The following RAB27B variants were observed in gnomAD, a reference collection of about 807,000 sequenced individuals.
RAB27B encodes RAB27B, member RAS oncogene family, also known as ras-related protein Rab-27B.
In RAB27B, 15 loss-of-function variants were observed where a neutral mutation model predicts 24.6. The ratio of observed to expected loss-of-function variants is 0.61; its 90% CI spans 0.41 to 0.94. The LOEUF is 0.94. RAB27B is among the 40% of genes least tolerant of loss of function. The pLI is 0.00. For synonymous variants in RAB27B, 105 were observed against 92.5 expected (o/e 1.14, Z -0.78); for missense variants, 261 against 266.8 (o/e 0.98, Z 0.15).
chr18:54,820,705 G>A (rs1360152643), intron 2 of RAB27B, among the ~76,000 whole-genome samples: 2 of 152,108 alleles, frequency 1.3e-5, no homozygotes, highest in Non-Finnish European at 2.9e-5. Context: ...CCTATGTCCT[G>A]AATGGTATTG....
chr18:54,837,046 G>C (rs1353484182), intron 1 of RAB27B, among the ~76,000 whole-genome samples: 1 of 151,978 alleles, frequency 6.6e-6, no homozygotes, highest in Non-Finnish European at 1.5e-5. Context: ...GTCATATTAG[G>C]TACTTTAGTT....
intron 4 of RAB27B, among the ~76,000 whole-genome samples, chr18:54,886,332 T>A (rs537835998): frequency 7.5e-4 from 114 of 152,276 alleles, no homozygotes; most frequent in African/African-American, 2.7e-3. Context: ...GACTTTTCCA[T>A]TTTATTTCAA....
intron 2 of RAB27B, among the ~76,000 whole-genome samples, chr18:54,722,507 C>T (rs191698069): frequency 1.5e-3 from 226 of 152,268 alleles, no homozygotes; most frequent in Middle Eastern, 6.8e-3. Flanking sequence ...CCATCACATC[C>T]CACTTCTTGA....
In RAB27B at chr18:54,812,550, A is replaced by AACACACACACACAC. The variant is rs10595171; in HGVS notation, c.-19-64986_-19-64973dup. On this transcript the variant is annotated intron_variant, in intron 2 of 4. Transcript: ENST00000586570. ...AGAAGTCTGACCATGGAACTCCTTT[A>AACACACACACACAC]ACACACACACACACACACACACACA... Among the ~76,000 whole-genome samples the AACACACACACACAC allele has an allele frequency of 1.7e-3, 243 of 139,198 alleles. 4 individuals carry two copies. The highest frequency in any genetic ancestry group is 4.0e-3 in the Admixed American group (55 of 13,840). 91.3% of individuals were successfully genotyped at this position (139,198 alleles called of 152,430 possible). A position where few individuals can be genotyped will look rare whatever the true frequency, so the allele number is the denominator to read the frequency against.
intron 2 of RAB27B, among the ~76,000 whole-genome samples, chr18:54,820,031 T>C (rs1490109462): frequency 6.6e-6 from 1 of 152,198 alleles, no homozygotes; most frequent in Admixed American, 6.5e-5. Context: ...GTTGGACATA[T>C]GGCTTGGTTC....
intron 1 of RAB27B, among the ~76,000 whole-genome samples, chr18:54,845,477 A>G (rs569461581): frequency 6.6e-6 from 1 of 152,236 alleles, no homozygotes; most frequent in Non-Finnish European, 1.5e-5. Context: ...TAGCTAAGCA[A>G]TAATGAATAT....
chr18:54,771,896 T>A (rs1309539711), intron 2 of RAB27B, among the ~76,000 whole-genome samples: 5 of 152,184 alleles, frequency 3.3e-5, no homozygotes, highest in East Asian at 1.9e-4. Context: ...TTATTTATGA[T>A]GTTGGCAAAG....
chr18:54,833,185 A>G (rs1910755313), intron 1 of RAB27B, among the ~76,000 whole-genome samples: 2 of 152,016 alleles, frequency 1.3e-5, no homozygotes, highest in Non-Finnish European at 2.9e-5. Flanking sequence ...AAAGCAGTGA[A>G]TAAAGAAGGG....
At chr18:54,867,388 A>C (rs993190639) in intron 1 of RAB27B, among the ~76,000 whole-genome samples, 3 of 150,504 alleles carry the variant, frequency 2.0e-5, no homozygotes, top group South Asian at 4.2e-4. Context: ...ATGCAATCGT[A>C]GGAGCTGGCT....
At chr18:54,757,066 G>T (rs118141191) in intron 2 of RAB27B, among the ~76,000 whole-genome samples, 1 of 152,306 alleles carries the variant, frequency 6.6e-6, no homozygotes, top group African/African-American at 2.4e-5. Context: ...TAGGCTCAAG[G>T]TTGCTGGTCA....
At chr18:54,745,495 G>T in intron 2 of RAB27B, 1 of 154,908 alleles carries the variant, frequency 6.5e-6, no homozygotes, top group South Asian at 1.8e-4. Context: ...CCCTACTCAA[G>T]ACTGGAGCTC....
chr18:54,775,469 C>T (rs915715201), intron 2 of RAB27B, among the ~76,000 whole-genome samples: 1 of 152,130 alleles, frequency 6.6e-6, no homozygotes, highest in Non-Finnish European at 1.5e-5. Context: ...AGGCTACAAA[C>T]CGGTCATTTC....
chr18:54,877,718 G>C lies in RAB27B; in HGVS notation c.133G>C (p.Asp45His), dbSNP rs1445586376. Residue 45 changes from aspartate (D) to histidine (H), a missense_variant, in exon 2 of 6, where the codon GAC becomes CAC. Coordinates refer to ENST00000262094, the MANE Select transcript of RAB27B (RefSeq NM_004163.4). ...CAAATTCATCACTACAGTAGGAATA[G>C]ACTTTCGGGAAAAACGTGTGGTGAG... ...NPKFITTVGI[D>H]FREKRVVYNA... 6.3e-7 allele frequency: 1 copy of C among 1,584,018 alleles called. No homozygotes were observed. Among genetic ancestry groups the C allele is most frequent in the Middle Eastern group, 1.7e-4 (1 of 6,006 alleles).
At chr18:54,837,837 A>G (rs990727727) in intron 1 of RAB27B, among the ~76,000 whole-genome samples, 1 of 152,162 alleles carries the variant, frequency 6.6e-6, no homozygotes, top group East Asian at 1.9e-4. Flanking sequence ...CAATTGAAGG[A>G]CATAATAAAT....
intron 1 of RAB27B, among the ~76,000 whole-genome samples, chr18:54,869,267 T>C (rs921834166): frequency 1.6e-4 from 25 of 152,192 alleles, no homozygotes; most frequent in Non-Finnish European, 3.5e-4. Context: ...TTGTAATCAT[T>C]TGTAGCAGGG....
chr18:54,881,593 C>A (rs983189663), intron 3 of RAB27B, among the ~76,000 whole-genome samples: 14 of 152,102 alleles, frequency 9.2e-5, no homozygotes, highest in Non-Finnish European at 1.8e-4. Context: ...CCTGCAAACT[C>A]AATTTCTGTT....
intron 1 of RAB27B, among the ~76,000 whole-genome samples, chr18:54,855,191 T>C (rs991964249): frequency 2.6e-5 from 4 of 152,158 alleles, no homozygotes; most frequent in Non-Finnish European, 5.9e-5. Flanking sequence ...CCTGTGAGAA[T>C]CTAATGCTGC....
At chr18:54,812,305 A>G (rs1909988179) in intron 2 of RAB27B, among the ~76,000 whole-genome samples, 1 of 152,088 alleles carries the variant, frequency 6.6e-6, no homozygotes, top group Admixed American at 6.6e-5. Flanking sequence ...ACATGATTAT[A>G]TTTCCTCATC....
rs1189159524 is a variant in RAB27B at position 54,890,546 on chromosome 18, T to C, written c.*1133T>C. The C allele has an allele frequency of 6.6e-6, 1 of 152,202 alleles. No homozygotes were observed. Among genetic ancestry groups the C allele is most frequent in the Non-Finnish European group, 1.5e-5 (1 of 68,022 alleles). The allele number at this position is 152,202 out of a possible 1,614,324, so 9.4% of individuals were successfully genotyped here. A position where few individuals can be genotyped will look rare whatever the true frequency, so the allele number is the denominator to read the frequency against. On this transcript the variant is annotated 3_prime_UTR_variant, in exon 6 of 6. Coordinates refer to ENST00000262094, the MANE Select transcript of RAB27B (RefSeq NM_004163.4). Reference sequence around the variant, plus strand: ...TCCAAATTTCACCCATTCCTGACTTTGAATCAATTGCAGAAATGCAGGTGT... The same window carrying C: ...TCCAAATTTCACCCATTCCTGACTTCGAATCAATTGCAGAAATGCAGGTGT...
Sources: allele counts gnomAD v4.1 joint callset (sites outside exome capture counted in the v4.1 genomes callset), GRCh38; gene constraint gnomAD v4.1.1; transcripts MANE v1.5; gene names NCBI Gene and HGNC (gene_info 2026-07-23, HGNC 2026-07-21).